Variants in YBX3 observed in about 807,000 individuals in gnomAD.
YBX3 encodes the protein Y-box-binding protein 3.
In YBX3, 29 loss-of-function variants were observed where a neutral mutation model predicts 42.4. That is an observed-to-expected ratio of 0.68 (90% confidence interval 0.51 to 0.93). YBX3 has a LOEUF of 0.93. YBX3 is among the 40% of genes least tolerant of loss of function. The pLI is 0.00. For missense variants in YBX3, 517 were observed against 527.5 expected (o/e 0.98, Z 0.19); for synonymous variants, 195 against 189.8 (o/e 1.03, Z -0.22).
chr12:10,700,437 A>G (rs1948065847), intron 9 of YBX3, among the ~76,000 whole-genome samples: 1 of 152,200 alleles, frequency 6.6e-6, no homozygotes. Context: ...TAAGAACTAA[A>G]GTCTCAGTTA....
chr12:10,710,455 G>A (rs548581364), intron 5 of YBX3: 52 of 1,217,842 alleles, frequency 4.3e-5, no homozygotes, highest in Admixed American at 3.1e-4. Flanking sequence ...CATCAAATGC[G>A]TGTCTCCCAG....
chr12:10,714,990 T>A (rs938322369), intron 4 of YBX3, among the ~76,000 whole-genome samples: 1 of 151,726 alleles, frequency 6.6e-6, no homozygotes, highest in East Asian at 2.0e-4. Flanking sequence ...CCTCAGGAGA[T>A]CCGCCTGCCT....
Position 10,723,308 on chromosome 12 carries a change from C to T in YBX3, c.-197G>A. 1.1e-6 allele frequency: 1 copy of T among 883,652 alleles called. No individual in the cohort carries two copies. The highest frequency in any genetic ancestry group is 1.4e-6 in the Non-Finnish European group (1 of 690,812). The allele number at this position is 883,652 out of a possible 1,614,324, so 54.7% of individuals were successfully genotyped here. ...GTGCTGCGCGCTCTCTCTTGGGCTC[C>T]TCGCTCGATCTTACTGCCCCAAAAA... On this transcript the variant is annotated 5_prime_UTR_variant, in exon 1 of 10. Coordinates refer to ENST00000228251, the MANE Select transcript of YBX3 (RefSeq NM_003651.5).
chr12:10,712,289 C>T (rs1948208860), intron 5 of YBX3: 1 of 152,144 alleles, frequency 6.6e-6, no homozygotes, highest in African/African-American at 2.4e-5. Context: ...TCTAGAAACA[C>T]CAAGAATGAT....
chr12:10,709,094 T>C (rs1948169325), intron 6 of YBX3, among the ~76,000 whole-genome samples: 1 of 152,074 alleles, frequency 6.6e-6, no homozygotes, highest in Admixed American at 6.5e-5. Flanking sequence ...AACACAGTCA[T>C]GCATGATGGG....
At chr12:10,700,382 C>G (rs1009087378) in intron 9 of YBX3, among the ~76,000 whole-genome samples, 3 of 152,036 alleles carry the variant, frequency 2.0e-5, no homozygotes, top group African/African-American at 7.2e-5. Flanking sequence ...TTTACAACCT[C>G]TCTCTTAACT....
chr12:10,710,577 T>C, intron 5 of YBX3: 2 of 1,248,320 alleles, frequency 1.6e-6, no homozygotes, highest in Non-Finnish European at 2.1e-6. Context: ...CTGTAAAGTG[T>C]GGATGGGATT....
intron 1 of YBX3, chr12:10,721,905 G>A (rs1358970090): frequency 1.3e-5 from 2 of 152,140 alleles, no homozygotes; most frequent in Non-Finnish European, 2.9e-5. Flanking sequence ...ACTCACACAG[G>A]GGCGTTACTT....
chr12:10,706,658 T>A (rs1299935705), intron 6 of YBX3, among the ~76,000 whole-genome samples: 1 of 152,156 alleles, frequency 6.6e-6, no homozygotes, highest in South Asian at 2.1e-4. Context: ...TAGGACCCTA[T>A]TTCCACCTAC....
intron 6 of YBX3, among the ~76,000 whole-genome samples, chr12:10,709,372 T>C (rs1448944026): frequency 3.3e-5 from 5 of 152,230 alleles, no homozygotes; most frequent in African/African-American, 9.6e-5. Context: ...ACCTCCATTC[T>C]GGTAGGTTGC....
At chr12:10,706,475 C>G (rs1431813455) in intron 6 of YBX3, among the ~76,000 whole-genome samples, 2 of 152,206 alleles carry the variant, frequency 1.3e-5, no homozygotes, top group African/African-American at 4.8e-5. Context: ...CACTGACCTC[C>G]AAGTTACCAA....
At chr12:10,718,242 T>C in intron 2 of YBX3, 121 bp from the exon 3 acceptor site, 1 of 828,056 alleles carries the variant, frequency 1.2e-6, no homozygotes, top group Non-Finnish European at 1.9e-6. Flanking sequence ...TTTCACTTAT[T>C]TTCTACACTC....
At chr12:10,706,203 G>C (rs1406299548) in intron 6 of YBX3, among the ~76,000 whole-genome samples, 1 of 152,184 alleles carries the variant, frequency 6.6e-6, no homozygotes, top group African/African-American at 2.4e-5. Flanking sequence ...AATGGCTTTA[G>C]AAGTTGTTGG....
intron 6 of YBX3, among the ~76,000 whole-genome samples, chr12:10,708,211 T>A (rs1259268070): frequency 2.0e-5 from 3 of 152,224 alleles, no homozygotes; most frequent in Non-Finnish European, 4.4e-5. Context: ...AATTTTCAAA[T>A]CTATAGAACT....
intron 1 of YBX3, 34 bp from the exon 2 acceptor site, chr12:10,719,177 G>A (rs1033091672): frequency 1.3e-6 from 2 of 1,557,460 alleles, no homozygotes; most frequent in Non-Finnish European, 1.8e-6. Flanking sequence ...ATTAGTATCT[G>A]ACCTACAGAG....
chr12:10,701,346 G>T lies in YBX3; in HGVS notation c.1061C>A (p.Ala354Glu). ...APSQDGKEAKAGEAPTENPAP... is the reference protein window; with the variant it reads ...APSQDGKEAKEGEAPTENPAP... ...AGGGTTCTCAGTTGGTGCTTCACCT[G>T]CCTTGGCCTAAAATGCAAAACAAAG... The change falls in exon 9 of 10, where the codon GCA becomes GAA. Residue 354 changes from alanine to glutamate, a missense_variant. This residue lies in a region of YBX3 where 420 missense variants were observed against 408.5 expected (regional missense o/e 1.03). Transcript: ENST00000228251. 2.6e-6 allele frequency: 2 copies of T among 781,028 alleles called. No individual in the cohort carries two copies. The highest frequency in any genetic ancestry group is 2.4e-6 in the Non-Finnish European group (1 of 418,118). 48.4% of individuals were successfully genotyped at this position (781,028 alleles called of 1,614,324 possible). A position where few individuals can be genotyped will look rare whatever the true frequency, so the allele number is the denominator to read the frequency against.
intron 3 of YBX3, among the ~76,000 whole-genome samples, chr12:10,717,464 G>C (rs1948275576): frequency 6.6e-6 from 1 of 152,170 alleles, no homozygotes. Flanking sequence ...TAACATCCTA[G>C]GCTAATAAAG....
chr12:10,704,872 C>T lies in YBX3; in HGVS notation c.781-724G>A, dbSNP rs183053109. 1.8e-4 allele frequency among the ~76,000 whole-genome samples: 27 copies of T among 152,266 alleles called. No homozygotes were observed. In the East Asian group the frequency reaches 4.1e-3, roughly 23 times the overall value. On this transcript the variant is annotated intron_variant, in intron 6 of 9. Coordinates refer to ENST00000228251, the MANE Select transcript of YBX3 (RefSeq NM_003651.5). ...CGCTATCCCTTCACTATGTTTTCAC[C>T]TTTTCTATCATTTCCATCCAAGCAT...
At chr12:10,714,039 C>G (rs1189692905) in intron 4 of YBX3, among the ~76,000 whole-genome samples, 1 of 152,120 alleles carries the variant, frequency 6.6e-6, no homozygotes, top group East Asian at 1.9e-4. Context: ...TGAAAACATA[C>G]AGAAGAAAAA....
Sources: gnomAD v4.1 joint callset for allele counts (sites outside exome capture counted in the v4.1 genomes callset) on GRCh38, gnomAD v4.1.1 for gene constraint, gnomAD v4.1.1 regional missense constraint, MANE v1.5 for transcripts, NCBI Gene and HGNC (gene_info 2026-07-23, HGNC 2026-07-21) for gene names.